MVB12B: variants seen among roughly 807,000 people sequenced by gnomAD.
MVB12B encodes the protein ESCRT-I complex subunit MVB12B.
Under a neutral mutation model 41.6 loss-of-function variants are expected in MVB12B, and 16 were observed. The ratio of observed to expected loss-of-function variants is 0.38; its 90% CI spans 0.26 to 0.58. The LOEUF (loss-of-function observed/expected upper bound fraction) is 0.58. Ranked by LOEUF, MVB12B falls within the 20% of genes least tolerant of loss-of-function variation. The probability of loss-of-function intolerance (pLI) is 0.62; values close to 1 mark genes in which losing one functional copy is unlikely to be tolerated. For missense variants in MVB12B, 274 were observed against 380.2 expected (o/e 0.72, Z 2.32); for synonymous variants, 133 against 139.7 (o/e 0.95, Z 0.34).
intron 2 of MVB12B, among the ~76,000 whole-genome samples, chr9:126,364,853 G>A (rs557103274): frequency 1.8e-4 from 28 of 151,996 alleles, no homozygotes; most frequent in East Asian, 1.4e-3. Context: ...CCGGGTTCAC[G>A]CCATTCTCCT....
chr9:126,484,432 C>T (rs1040091112), intron 9 of MVB12B, among the ~76,000 whole-genome samples: 3 of 152,208 alleles, frequency 2.0e-5, no homozygotes, highest in South Asian at 2.1e-4. Context: ...AATGACCAAG[C>T]GTCTCCACAA....
intron 6 of MVB12B, among the ~76,000 whole-genome samples, chr9:126,418,067 T>C (rs1028835377): frequency 2.0e-5 from 3 of 151,670 alleles, no homozygotes; most frequent in African/African-American, 7.3e-5. Flanking sequence ...TGGGCTGGTG[T>C]GCCGGGGATG....
intron 1 of MVB12B, among the ~76,000 whole-genome samples, chr9:126,334,299 G>A (rs1425411625): frequency 6.6e-6 from 1 of 152,200 alleles, no homozygotes; most frequent in African/African-American, 2.4e-5. Context: ...GCAAAGACGC[G>A]AGACAGATAC....
At chr9:126,461,849 G>A (rs970786604) in intron 7 of MVB12B, among the ~76,000 whole-genome samples, 40 of 85,706 alleles carry the variant, frequency 4.7e-4, no homozygotes, top group East Asian at 6.0e-3. Flanking sequence ...GTCGGTGCCC[G>A]TGGGGGTTGA....
At position 126,427,870 on chromosome 9, in the gene MVB12B, C is replaced by A. The variant is rs192767236; in HGVS notation, c.757+5922C>A. On this transcript the variant is annotated intron_variant, in intron 7 of 9. Transcript: ENST00000361171. ...TGACTATTAAAGTGAAGGGGGCACA[C>A]AATTGTCCCAGGACAGAAGCTGTAA... Among the ~76,000 whole-genome samples, 35 of 152,244 alleles carry A rather than the reference C, an allele frequency of 2.3e-4. No homozygotes were observed. In the East Asian group the frequency reaches 5.8e-3, roughly 25 times the overall value.
chr9:126,396,563 A>G, intron 6 of MVB12B: 1 of 985,532 alleles, frequency 1.0e-6, no homozygotes. Context: ...TGGGCCATCC[A>G]CAATACAGCC....
chr9:126,486,604 C>T lies in MVB12B; in HGVS notation c.873+2572C>T, dbSNP rs916625782. On this transcript the variant is annotated intron_variant, in intron 9 of 9. Transcript: ENST00000361171. The surrounding 1 kb of genome is among the most constrained non-coding windows in gnomAD (Gnocchi z 4.7). Reference sequence around the variant, plus strand: ...AGCCATCTCCCCTCCCGTTCTGCTCCGGCCTGCCTGTGGGCCTAATGGTGG... The same window carrying T: ...AGCCATCTCCCCTCCCGTTCTGCTCTGGCCTGCCTGTGGGCCTAATGGTGG... 8.5e-5 allele frequency among the ~76,000 whole-genome samples: 13 copies of T among 152,352 alleles called. No homozygotes were observed. The highest frequency in any genetic ancestry group is 4.6e-4 in the Admixed American group (7 of 15,306).
chr9:126,405,857 A>AATT (rs200610525), intron 6 of MVB12B, among the ~76,000 whole-genome samples: 1 of 149,086 alleles, frequency 6.7e-6, no homozygotes, highest in African/African-American at 2.4e-5. Context: ...GAATAAATAC[A>AATT]ATTATTATTA....
intron 9 of MVB12B, among the ~76,000 whole-genome samples, chr9:126,485,632 G>T (rs574387877): frequency 0.014 from 953 of 69,030 alleles, no homozygotes; most frequent in Middle Eastern, 0.062. Flanking sequence ...TCAGGGTACC[G>T]TCCACTGTGC....
chr9:126,490,293 C>T (rs1281910269), intron 9 of MVB12B, among the ~76,000 whole-genome samples: 1 of 152,182 alleles, frequency 6.6e-6, no homozygotes, highest in East Asian at 1.9e-4. Context: ...CCCACGGTCC[C>T]GCCCTGGCAT....
At chr9:126,448,230 C>G (rs1832827251) in intron 7 of MVB12B, 1 of 152,646 alleles carries the variant, frequency 6.6e-6, no homozygotes, top group Non-Finnish European at 1.5e-5. Context: ...TGAGCTATGC[C>G]TCTCAAGGCC....
intron 6 of MVB12B, among the ~76,000 whole-genome samples, chr9:126,403,469 G>A (rs750615189): frequency 6.6e-6 from 1 of 152,164 alleles, no homozygotes; most frequent in African/African-American, 2.4e-5. Flanking sequence ...AGTTGCCTGC[G>A]TCATACAGCC....
At chr9:126,354,675 A>G (rs1588099139) in intron 2 of MVB12B, among the ~76,000 whole-genome samples, 1 of 152,258 alleles carries the variant, frequency 6.6e-6, no homozygotes, top group Non-Finnish European at 1.5e-5. Context: ...AAACACATAT[A>G]TACACACATG....
At chr9:126,355,661 T>C (rs1829861913) in intron 2 of MVB12B, among the ~76,000 whole-genome samples, 1 of 152,224 alleles carries the variant, frequency 6.6e-6, no homozygotes, top group African/African-American at 2.4e-5. Flanking sequence ...TTTTCCAGAA[T>C]GTTTTTAGGC....
In MVB12B at chr9:126,480,615, G is replaced by A. The variant is rs539300115; in HGVS notation, c.758-754G>A. 2.0e-5 allele frequency among the ~76,000 whole-genome samples: 3 copies of A among 152,152 alleles called. No individual in the cohort carries two copies. Among genetic ancestry groups the A allele is most frequent in the Non-Finnish European group, 2.9e-5 (2 of 67,988 alleles). ...GTCCCCGTTCCATGCCCTTTTTCTCGTGTCCTGTTAAAATTGAGCACACTG... is the reference window on the plus strand; with the variant it reads ...GTCCCCGTTCCATGCCCTTTTTCTCATGTCCTGTTAAAATTGAGCACACTG... On this transcript the variant is annotated intron_variant, in intron 7 of 9. Transcript: ENST00000361171. This position sits in a 1 kb window ranked among gnomAD's most constrained non-coding sequence, Gnocchi z 4.9.
At chr9:126,383,654 G>A (rs745597200) in intron 3 of MVB12B, among the ~76,000 whole-genome samples, 4 of 152,024 alleles carry the variant, frequency 2.6e-5, no homozygotes, top group Non-Finnish European at 4.4e-5. Flanking sequence ...TTGGGAATAC[G>A]TTCTTCATAT....
chr9:126,481,936 C>T (rs572298991), intron 8 of MVB12B, among the ~76,000 whole-genome samples: 23 of 152,386 alleles, frequency 1.5e-4, no homozygotes, highest in African/African-American at 5.0e-4. Flanking sequence ...GACACGGAGG[C>T]CGCCATGCAA....
intron 4 of MVB12B, among the ~76,000 whole-genome samples, chr9:126,388,831 C>T (rs1830870027): frequency 6.6e-6 from 1 of 152,182 alleles, no homozygotes; most frequent in Non-Finnish European, 1.5e-5. Context: ...TGTATTATCT[C>T]CTCTGCTTAG....
rs1833498358 is a variant in MVB12B at position 126,480,177 on chromosome 9, C to T, written c.758-1192C>T. ...CCACAATTTACTGCATAGCCACCAC[C>T]TCAGGGTGCGGCCACCCCTGACTTC... is the stretch of plus-strand genomic sequence containing the variant. On this transcript the variant is annotated intron_variant, in intron 7 of 9. Transcript: ENST00000361171. The surrounding 1 kb of genome is among the most constrained non-coding windows in gnomAD (Gnocchi z 4.9). Among the ~76,000 whole-genome samples the T allele has an allele frequency of 6.6e-6, 1 of 152,204 alleles. No homozygotes were observed. Among genetic ancestry groups the T allele is most frequent in the African/African-American group, 2.4e-5 (1 of 41,442 alleles).
Sources: allele counts gnomAD v4.1 joint callset (sites outside exome capture counted in the v4.1 genomes callset), GRCh38; gene constraint gnomAD v4.1.1; non-coding constraint Gnocchi (gnomAD v3.1); transcripts MANE v1.5; gene names NCBI Gene and HGNC (gene_info 2026-07-23, HGNC 2026-07-21).